The following TTLL11 variants were observed in gnomAD, a reference collection of about 807,000 sequenced individuals.
TTLL11 encodes the protein tubulin tyrosine ligase like 11.
Under a neutral mutation model 51.7 loss-of-function variants are expected in TTLL11, and 42 were observed. The observed-to-expected ratio is 0.81, with a 90% CI of 0.64 to 1.05. TTLL11 has a LOEUF of 1.05. Among genes scored for constraint, TTLL11 ranks in the 50% least tolerant of loss-of-function variants. TTLL11 has a pLI of 0.00. For synonymous variants in TTLL11, 381 were observed against 383.5 expected, an observed-to-expected ratio of 0.99 and a Z score of 0.08; for missense variants, 799 against 940.4, an observed-to-expected ratio of 0.85 and a Z score of 1.97.
intron 3 of TTLL11, among the ~76,000 whole-genome samples, chr9:122,029,826 T>C (rs1325680297): frequency 6.6e-6 from 1 of 152,196 alleles, no homozygotes; most frequent in Non-Finnish European, 1.5e-5. Flanking sequence ...GAGCAACTTC[T>C]AGTCCTGCAA....
chr9:121,896,989 C>A (rs1373417226), intron 6 of TTLL11, among the ~76,000 whole-genome samples: 1 of 152,116 alleles, frequency 6.6e-6, no homozygotes, highest in Admixed American at 6.5e-5. Context: ...ATCACCTATT[C>A]CACAAATTTG....
intron 3 of TTLL11, among the ~76,000 whole-genome samples, chr9:122,005,880 G>A (rs1345004100): frequency 6.6e-6 from 1 of 152,160 alleles, no homozygotes; most frequent in Non-Finnish European, 1.5e-5. Context: ...GGCCTGGAGT[G>A]CCACACAGAC....
intron 8 of TTLL11, among the ~76,000 whole-genome samples, chr9:121,831,821 C>G (rs889241614): frequency 2.6e-5 from 4 of 152,146 alleles, no homozygotes; most frequent in Non-Finnish European, 5.9e-5. Context: ...ACTGTTCACT[C>G]TCTGCTCCTG....
intron 7 of TTLL11, among the ~76,000 whole-genome samples, chr9:121,862,037 G>A (rs1393552258): frequency 6.6e-6 from 1 of 152,158 alleles, no homozygotes; most frequent in African/African-American, 2.4e-5. Context: ...TGTGGGGGAC[G>A]GGCCTCTGAG....
At chr9:121,944,413 C>T (rs757443898) in intron 6 of TTLL11, among the ~76,000 whole-genome samples, 7 of 151,916 alleles carry the variant, frequency 4.6e-5, no homozygotes, top group Non-Finnish European at 1.0e-4. Context: ...GAAGCTGAGG[C>T]AGGAGAATCA....
At chr9:121,962,099 G>C (rs1214694781) in intron 6 of TTLL11, among the ~76,000 whole-genome samples, 1 of 152,012 alleles carries the variant, frequency 6.6e-6, no homozygotes, top group Non-Finnish European at 1.5e-5. Flanking sequence ...AAATTACACA[G>C]ACAGTATGGC....
intron 6 of TTLL11, among the ~76,000 whole-genome samples, chr9:121,872,236 T>A (rs1307198531): frequency 6.6e-6 from 1 of 152,236 alleles, no homozygotes; most frequent in East Asian, 1.9e-4. Context: ...CTGGCACACT[T>A]CTGTTCCACT....
Position 121,816,820 on chromosome 9 carries a change from T to C in TTLL11, c.*5767A>G, listed in dbSNP as rs1323277560. ...AAAGGTAAATGAAGACGTGGCCTAT[T>C]CTGCAGAGCTCCTTCATCTCCAGGA... On this transcript the variant is annotated 3_prime_UTR_variant, in exon 9 of 9. Transcript: ENST00000321582. 1 of 152,354 alleles carries C rather than the reference T, an allele frequency of 6.6e-6. No individual in the cohort carries two copies. Among genetic ancestry groups the C allele is most frequent in the East Asian group, 1.9e-4 (1 of 5,180 alleles). The allele number at this position is 152,354 out of a possible 1,614,324, so 9.4% of individuals were successfully genotyped here.
chr9:122,006,070 C>T (rs1485106187), intron 3 of TTLL11, among the ~76,000 whole-genome samples: 5 of 152,258 alleles, frequency 3.3e-5, no homozygotes, highest in African/African-American at 9.6e-5. Context: ...CCAGGCACAG[C>T]GGCTCACGCC....
chr9:122,042,886 G>C (rs1346245918), intron 1 of TTLL11, among the ~76,000 whole-genome samples: 2 of 152,174 alleles, frequency 1.3e-5, no homozygotes. Context: ...TTCTGGAAAA[G>C]GCAAAACTAC....
Position 121,861,642 on chromosome 9 carries a change from G to A in TTLL11, c.1734-1199C>T, listed in dbSNP as rs1838016058. ...TTAGTCTCCAGAAGGAGGAGGGGAA[G>A]CTAGGCCCTCGGCACTGCCCTCTCC... On this transcript the variant is annotated intron_variant, in intron 7 of 8. Coordinates refer to ENST00000321582, the MANE Select transcript of TTLL11 (RefSeq NM_001139442.2). Among the ~76,000 whole-genome samples the A allele has an allele frequency of 2.0e-5, 3 of 152,186 alleles. No homozygotes were observed. The South Asian group carries it at 6.2e-4, about 32-fold the overall frequency.
At chr9:121,866,220 A>C (rs1838170507) in intron 7 of TTLL11, among the ~76,000 whole-genome samples, 1 of 152,236 alleles carries the variant, frequency 6.6e-6, no homozygotes, top group Admixed American at 6.5e-5. Flanking sequence ...CCAAAGTGGA[A>C]CAGAGAGAGA....
chr9:121,833,754 A>G (rs942593943), intron 8 of TTLL11, among the ~76,000 whole-genome samples: 2 of 152,214 alleles, frequency 1.3e-5, no homozygotes, highest in Non-Finnish European at 2.9e-5. Context: ...ATTATTTTAC[A>G]GTTTACAGAG....
At chr9:122,053,109 G>A (rs897949555) in intron 1 of TTLL11, among the ~76,000 whole-genome samples, 13 of 152,168 alleles carry the variant, frequency 8.5e-5, no homozygotes, top group African/African-American at 2.4e-4. Context: ...GAAGCTGGCC[G>A]TCCACAAACC....
rs1470911915 is a variant in TTLL11, at chr9:121,817,093, T to A, written c.*5494A>T. 6.6e-6 allele frequency: 1 copy of A among 152,324 alleles called. No individual in the cohort carries two copies. The highest frequency in any genetic ancestry group is 1.5e-5 in the Non-Finnish European group (1 of 68,050). The allele number at this position is 152,324 out of a possible 1,614,324, so 9.4% of individuals were successfully genotyped here. ...TCTGAGCTTTCAGGGAAGATGCTCG[T>A]GTGCTGGCCATTGCAAGCCCAATTC... On this transcript the variant is annotated 3_prime_UTR_variant, in exon 9 of 9. Coordinates refer to ENST00000321582, the MANE Select transcript of TTLL11 (RefSeq NM_001139442.2).
chr9:121,833,428 G>A (rs941469159), intron 8 of TTLL11, among the ~76,000 whole-genome samples: 1 of 152,190 alleles, frequency 6.6e-6, no homozygotes, highest in African/African-American at 2.4e-5. Flanking sequence ...AAAACACTGG[G>A]AGCTGCTCAC....
intron 6 of TTLL11, among the ~76,000 whole-genome samples, chr9:121,917,796 T>A (rs763467163): frequency 6.6e-6 from 1 of 152,164 alleles, no homozygotes; most frequent in Non-Finnish European, 1.5e-5. Context: ...TTTAAATTCT[T>A]ACATTGCTCC....
At chr9:122,037,227 T>C (rs1336393602) in intron 2 of TTLL11, among the ~76,000 whole-genome samples, 4 of 152,216 alleles carry the variant, frequency 2.6e-5, no homozygotes, top group African/African-American at 9.7e-5. Flanking sequence ...CCAAACTGTA[T>C]TCTCCCAATA....
intron 1 of TTLL11, among the ~76,000 whole-genome samples, chr9:122,081,316 A>G (rs1489174404): frequency 6.6e-6 from 1 of 152,244 alleles, no homozygotes; most frequent in Non-Finnish European, 1.5e-5. Flanking sequence ...ACACCTCTGA[A>G]GAGTGGAAGA....
Sources: allele counts gnomAD v4.1 joint callset (sites outside exome capture counted in the v4.1 genomes callset), GRCh38; gene constraint gnomAD v4.1.1; transcripts MANE v1.5; gene names NCBI Gene and HGNC (gene_info 2026-07-23, HGNC 2026-07-21).